RTN4: variants seen among roughly 807,000 people sequenced by gnomAD.
RTN4 encodes the protein reticulon-4.
A neutral mutation model predicts 90.4 loss-of-function variants in RTN4; 32 were observed. That is an observed-to-expected ratio of 0.35 (90% CI 0.27 to 0.48). The LOEUF (loss-of-function observed/expected upper bound fraction) is 0.48, where lower values mean the gene tolerates loss of function less well. RTN4 is among the 20% of genes least tolerant of loss of function. RTN4 has a pLI of 0.99. For missense variants in RTN4, 1,706 were observed against 1,430.2 expected (o/e 1.19, Z -3.11); for synonymous variants, 629 against 552.5 (o/e 1.14, Z -1.94).
At chr2:55,048,623 C>G (rs1667908250) in intron 1 of RTN4, among the ~76,000 whole-genome samples, 1 of 152,110 alleles carries the variant, frequency 6.6e-6, no homozygotes, top group Admixed American at 6.5e-5. Flanking sequence ...CCTTATGGAG[C>G]CACCGTTGCA....
chr2:55,044,073 G>A (rs911716365), intron 1 of RTN4, among the ~76,000 whole-genome samples: 4 of 151,836 alleles, frequency 2.6e-5, no homozygotes, highest in African/African-American at 9.7e-5. Flanking sequence ...GTACGTGCCT[G>A]TGGTCCCAGC....
At chr2:55,041,086 T>TC (rs1372475470) in intron 1 of RTN4, among the ~76,000 whole-genome samples, 1 of 151,796 alleles carries the variant, frequency 6.6e-6, no homozygotes, top group Non-Finnish European at 1.5e-5. Flanking sequence ...CACAATTTTT[T>TC]TTTTTTTTTG....
At chr2:54,983,786 G>C (rs1385938380) in intron 4 of RTN4, among the ~76,000 whole-genome samples, 2 of 152,172 alleles carry the variant, frequency 1.3e-5, no homozygotes, top group South Asian at 2.1e-4. Flanking sequence ...CTGAACTCAA[G>C]CAAGAGTTAG....
intron 1 of RTN4, among the ~76,000 whole-genome samples, chr2:55,037,203 AAC>A (rs1682750976): frequency 1.3e-5 from 2 of 152,226 alleles, no homozygotes; most frequent in Admixed American, 1.3e-4. Flanking sequence ...GCTATACTGA[AAC>A]ACACTGCTGA....
At chr2:55,094,204 A>ATC (rs1173032499) in intron 1 of RTN4, among the ~76,000 whole-genome samples, 2 of 152,036 alleles carry the variant, frequency 1.3e-5, no homozygotes, top group African/African-American at 4.8e-5. Context: ...CTAAGGAGAG[A>ATC]TCTCTCTCTC....
Position 54,973,600 on chromosome 2 carries a change from C to G in RTN4, c.3499G>C (p.Gly1167Arg). The G allele has an allele frequency of 6.2e-7, 1 of 1,610,674 alleles. No homozygotes were observed. The highest frequency in any genetic ancestry group is 8.5e-7 in the Non-Finnish European group (1 of 1,177,028). Reference sequence around the variant, plus strand: ...TCTTTAACATTCTTATTTGCAAGTCCTAGATAATGATCTATCTGTGCCTGA... The same window carrying G: ...TCTTTAACATTCTTATTTGCAAGTCGTAGATAATGATCTATCTGTGCCTGA... ...RHQAQIDHYLGLANKNVKDAM... is the reference protein window; with the variant it reads ...RHQAQIDHYLRLANKNVKDAM... The change falls in exon 8 of 9, where the codon GGA (glycine) becomes CGA (arginine). Residue 1167 changes from glycine to arginine, a missense_variant. Gly to Arg is a moderately radical substitution (Grantham distance 125). Coordinates refer to ENST00000337526, the MANE Select transcript of RTN4 (RefSeq NM_020532.5).
upstream of RTN4, among the ~76,000 whole-genome samples, chr2:55,051,896 A>T (rs1668097837): frequency 6.6e-6 from 1 of 151,792 alleles, no homozygotes; most frequent in African/African-American, 2.4e-5. Flanking sequence ...AGAGTTTTTT[A>T]AATACATAAT....
Position 55,027,078 on chromosome 2 carries a change from G to A in RTN4, c.1021C>T (p.His341Tyr), listed in dbSNP as rs1283809574. ...GCTGTAGGTAACTCTTGTTGATTAT[G>A]AAGGATGTTATTACTAACTAACTTC... The part of the protein sequence containing the change: ...EEKLVSNNIL[H>Y]NQQELPTALT... The change falls in exon 3 of 9, where the codon CAT (histidine) becomes TAT (tyrosine). Residue 341 changes from histidine (H) to tyrosine (Y), a missense_variant. Transcript: ENST00000337526. The A allele has an allele frequency of 6.2e-7, 1 of 1,613,110 alleles. No homozygotes were observed. Among genetic ancestry groups the A allele is most frequent in the Non-Finnish European group, 8.5e-7 (1 of 1,179,670 alleles).
At position 55,016,255 on chromosome 2, in the gene RTN4, T is replaced by C. The variant is rs578006181; in HGVS notation, c.3013+8831A>G. The stretch of plus-strand genomic sequence containing the variant: ...TTATAAACAATATATAGAGTATGAT[T>C]CCAATTTCATAAAACACTATTACAT... On this transcript the variant is annotated intron_variant, in intron 3 of 8. Transcript: ENST00000337526. Among the ~76,000 whole-genome samples, 3 of 152,296 alleles carry C rather than the reference T, an allele frequency of 2.0e-5. No individual in the cohort carries two copies. The South Asian group carries it at 6.2e-4, about 32-fold the overall frequency.
chr2:55,120,266 C>A, the RTN4 span, among the ~76,000 whole-genome samples: 6 of 152,230 alleles, frequency 3.9e-5, no homozygotes, highest in Non-Finnish European at 7.3e-5. Flanking sequence ...TTCCTGCCCC[C>A]CTCACTTTAG....
chr2:55,102,383 C>A (rs1417144755), intron 1 of RTN4, among the ~76,000 whole-genome samples: 1 of 152,044 alleles, frequency 6.6e-6, no homozygotes, highest in African/African-American at 2.4e-5. Flanking sequence ...GCTGTCTCTG[C>A]CAAAATGGCT....
At chr2:54,973,782 G>C (rs368731627) in intron 7 of RTN4, 39 bp downstream of exon 7, 1 of 1,567,892 alleles carries the variant, frequency 6.4e-7, no homozygotes, top group African/African-American at 1.4e-5. Context: ...AATAGAGTGA[G>C]TGCTCTATTC....
intron 1 of RTN4, among the ~76,000 whole-genome samples, chr2:55,112,030 C>G (rs1327460441): frequency 1.3e-5 from 2 of 152,166 alleles, no homozygotes; most frequent in Admixed American, 1.3e-4. Flanking sequence ...CAAGAGGAAG[C>G]AACCACCTAG....
At chr2:55,013,818 G>A (rs1459286961) in intron 3 of RTN4, among the ~76,000 whole-genome samples, 3 of 151,880 alleles carry the variant, frequency 2.0e-5, no homozygotes, top group Admixed American at 6.6e-5. Flanking sequence ...GTTTTGCTTC[G>A]TTTTTCTTTA....
chr2:54,981,947 C>CTATATA (rs34736146), intron 5 of RTN4, among the ~76,000 whole-genome samples: 1 of 150,948 alleles, frequency 6.6e-6, no homozygotes, highest in African/African-American at 2.4e-5. Flanking sequence ...GAAAGTATTA[C>CTATATA]TATATATATA....
Position 55,019,649 on chromosome 2 carries a change from G to A in RTN4, c.3013+5437C>T, listed in dbSNP as rs937453571. On this transcript the variant is annotated intron_variant, in intron 3 of 8. Coordinates refer to ENST00000337526, the MANE Select transcript of RTN4 (RefSeq NM_020532.5). ...ATGTTCTATTATAAAGTCGGGGGAA[G>A]AGAGGCCCTGTGTTCTTTAAAACTG... 2.6e-5 allele frequency among the ~76,000 whole-genome samples: 4 copies of A among 152,300 alleles called. No individual in the cohort carries two copies. The East Asian group carries it at 7.7e-4, about 29-fold the overall frequency.
At chr2:55,020,548 T>A (rs1558812484) in intron 3 of RTN4, among the ~76,000 whole-genome samples, 1 of 152,144 alleles carries the variant, frequency 6.6e-6, no homozygotes, top group Non-Finnish European at 1.5e-5. Context: ...AATTTCTTTG[T>A]AAATGGAGGG....
intron 3 of RTN4, among the ~76,000 whole-genome samples, chr2:54,996,577 C>CA (rs1355762806): frequency 2.0e-5 from 3 of 152,036 alleles, no homozygotes; most frequent in African/African-American, 7.2e-5. Flanking sequence ...CAAGGCAACT[C>CA]AATAAGAAAA....
chr2:55,033,014 T>G (rs1268104974), intron 1 of RTN4, among the ~76,000 whole-genome samples: 1 of 150,076 alleles, frequency 6.7e-6, no homozygotes, highest in Non-Finnish European at 1.5e-5. Flanking sequence ...GACAACACAG[T>G]TAAGACCCTG....
Sources: allele counts gnomAD v4.1 joint callset (sites outside exome capture counted in the v4.1 genomes callset), GRCh38; gene constraint gnomAD v4.1.1; transcripts MANE v1.5; gene names NCBI Gene and HGNC (gene_info 2026-07-23, HGNC 2026-07-21).